The following APC variants were observed in gnomAD, a reference collection of about 807,000 sequenced individuals.
The protein encoded by APC is adenomatous polyposis coli protein.
Under a neutral mutation model 247.0 loss-of-function variants are expected in APC, and 72 were observed. The ratio of observed to expected loss-of-function variants is 0.29; its 90% CI spans 0.24 to 0.35. The LOEUF is 0.35. Ranked by LOEUF, APC falls within the 10% of genes least tolerant of loss-of-function variation. The pLI is 1.00. For synonymous variants in APC, 1,254 were observed against 1,162.5 expected (o/e 1.08, Z -1.60); for missense variants, 3,400 against 3,360.7 (o/e 1.01, Z -0.29).
chr5:112,842,638 A>G lies in APC; in HGVS notation c.7044A>G (p.Thr2348=), dbSNP rs1057520428. 1 of 1,613,974 alleles carries G rather than the reference A, an allele frequency of 6.2e-7. No homozygotes were observed. Among genetic ancestry groups the G allele is most frequent in the East Asian group, 2.2e-5 (1 of 44,888 alleles). ...ACAAATTATCTCAACTTCCAAGGACATCATCCCCTAGTACTGCTTCAACTA... is the reference window on the plus strand; with the variant it reads ...ACAAATTATCTCAACTTCCAAGGACGTCATCCCCTAGTACTGCTTCAACTA... ...PPNKLSQLPR[T]SSPSTASTKS... Residue 2348 remains threonine, a synonymous_variant, in exon 16 of 16, where the codon ACA becomes ACG. Transcript: ENST00000257430.
chr5:112,795,392 A>G (rs1760107916), intron 7 of APC, among the ~76,000 whole-genome samples: 1 of 152,152 alleles, frequency 6.6e-6, no homozygotes, highest in African/African-American at 2.4e-5. Flanking sequence ...CATAATTTTT[A>G]TTGAAATTTT....
chr5:112,717,451 C>G (rs1228982382), intron 1 of APC, among the ~76,000 whole-genome samples: 1 of 151,984 alleles, frequency 6.6e-6, no homozygotes, highest in Non-Finnish European at 1.5e-5. Flanking sequence ...CTTAAGATTG[C>G]TTTCTTTGAT....
At chr5:112,773,114 C>T (rs569196063) in intron 4 of APC, among the ~76,000 whole-genome samples, 3 of 152,136 alleles carry the variant, frequency 2.0e-5, no homozygotes, top group Non-Finnish European at 4.4e-5. Flanking sequence ...CAGGGGCTTC[C>T]TTTCTTCCCA....
At chr5:112,753,389 T>TA (rs1754593185) in intron 1 of APC, among the ~76,000 whole-genome samples, 1 of 152,198 alleles carries the variant, frequency 6.6e-6, no homozygotes. Context: ...TAATATAACT[T>TA]ACATTTACAT....
rs772806807 is a variant in APC, at chr5:112,801,306, G to A, written c.757G>A (p.Gly253Ser). The A allele has an allele frequency of 1.0e-4, 169 of 1,612,762 alleles. No homozygotes were observed. The East Asian group carries it at 3.6e-3, about 34-fold the overall frequency. Residue 253 changes from glycine (G) to serine (S), a missense_variant, in exon 8 of 16, where the codon GGC becomes AGC. Coordinates refer to ENST00000257430, the MANE Select transcript of APC (RefSeq NM_000038.6). ...GTCATCTCAGAACAAGCATGAAACC[G>A]GCTCACATGATGCTGAGCGGCAGAA... ...ERSSQNKHETGSHDAERQNEG... is the reference protein window; with the variant it reads ...ERSSQNKHETSSHDAERQNEG...
chr5:112,764,539 C>A (rs1432562441), intron 2 of APC, among the ~76,000 whole-genome samples: 4 of 152,084 alleles, frequency 2.6e-5, no homozygotes, highest in African/African-American at 9.7e-5. Flanking sequence ...AAAGAATAGG[C>A]TTTATTGGTA....
chr5:112,728,082 A>AT lies in APC; in HGVS notation c.165+20212dup, dbSNP rs112112370. 6.2e-3 allele frequency among the ~76,000 whole-genome samples: 909 copies of AT among 146,352 alleles called. 10 individuals carry two copies. Among genetic ancestry groups the AT allele is most frequent in the African/African-American group, 0.02 (788 of 40,164 alleles). ...TAAAACATTATGAGATTTTTTTGCA[A>AT]TTTTTTTTTTTTAAGCTCATCAGCT... On this transcript the variant is annotated intron_variant, in intron 1 of 13. Transcript: ENST00000507379.
intron 4 of APC, among the ~76,000 whole-genome samples, chr5:112,767,945 C>G (rs1231406223): frequency 6.6e-6 from 1 of 152,054 alleles, no homozygotes; most frequent in Admixed American, 6.6e-5. Context: ...GATACTTTGG[C>G]CCACACCTGT....
Position 112,819,721 on chromosome 5 carries a change from A to C in APC, c.1312+377A>C, listed in dbSNP as rs116826917. Among the ~76,000 whole-genome samples the C allele has an allele frequency of 3.4e-3, 513 of 152,282 alleles. 6 individuals carry two copies. The highest frequency in any genetic ancestry group is 0.012 in the African/African-American group (498 of 41,556). On this transcript the variant is annotated intron_variant, in intron 10 of 15. Transcript: ENST00000257430. ...CTATAGCCATTAGTGTCCAAACCAT[A>C]ATCTTTTACATTTGCATATCATTAT...
At chr5:112,761,493 T>C (rs1032109197) in intron 2 of APC, among the ~76,000 whole-genome samples, 16 of 152,060 alleles carry the variant, frequency 1.1e-4, no homozygotes, top group Non-Finnish European at 1.9e-4. Context: ...GAAATTAACA[T>C]TGGATGGGCT....
chr5:112,760,773 G>C (rs895660467), intron 2 of APC, among the ~76,000 whole-genome samples: 3 of 151,608 alleles, frequency 2.0e-5, no homozygotes, highest in Non-Finnish European at 4.4e-5. Flanking sequence ...AACCAAACCA[G>C]TTAGTTGTGA....
At position 112,838,917 on chromosome 5, in the gene APC, A is replaced by T. The variant is rs151286353; in HGVS notation, c.3323A>T (p.Asn1108Ile). Reference protein sequence around the residue: ...CVSPYRSRGANGSETNRVGSN... With the variant: ...CVSPYRSRGAIGSETNRVGSN... ...TCTCCATACAGGTCACGGGGAGCCA[A>T]TGGTTCAGAAACAAATCGAGTGGGT... Residue 1108 changes from asparagine to isoleucine, a missense_variant, in exon 16 of 16, where the codon AAT becomes ATT. Around this residue, in one of 9 missense-constraint regions of APC, gnomAD observed 715 missense variants for 656.6 expected, o/e 1.09. Coordinates refer to ENST00000257430, the MANE Select transcript of APC (RefSeq NM_000038.6). 6.2e-7 allele frequency: 1 copy of T among 1,614,144 alleles called. No homozygotes were observed. The highest frequency in any genetic ancestry group is 8.5e-7 in the Non-Finnish European group (1 of 1,180,032).
chr5:112,715,576 G>T (rs1015379617), intron 1 of APC, among the ~76,000 whole-genome samples: 1 of 152,148 alleles, frequency 6.6e-6, no homozygotes. Flanking sequence ...TAGTTGGAAT[G>T]AATTCTTCCT....
intron 1 of APC, among the ~76,000 whole-genome samples, chr5:112,750,672 C>T (rs895687542): frequency 6.6e-6 from 1 of 152,160 alleles, no homozygotes; most frequent in East Asian, 1.9e-4. Context: ...TACTCCTAGT[C>T]TAGTAACGGA....
chr5:112,754,805 T>G (rs988793623), intron 1 of APC, 68 bp from the exon 2 acceptor site: 1 of 1,499,188 alleles, frequency 6.7e-7, no homozygotes, highest in South Asian at 1.2e-5. Context: ...CCTTTACCCC[T>G]TTCTTTAAAA....
rs1554088662 is a variant in APC at position 112,843,388 on chromosome 5, C to G, written c.7794C>G (p.Thr2598=). ...AACATGTGAACTCTATTTCAGGAACCAAACAAAGTAAAGAAAACCAAGTAT... is the reference window on the plus strand; with the variant it reads ...AACATGTGAACTCTATTTCAGGAACGAAACAAAGTAAAGAAAACCAAGTAT... The part of the protein sequence containing the change: ...DEKHVNSISG[T]KQSKENQVSA... Residue 2598 remains threonine, a synonymous_variant, in exon 16 of 16, where the codon ACC becomes ACG. Coordinates refer to ENST00000257430, the MANE Select transcript of APC (RefSeq NM_000038.6). This position sits in a 1 kb window ranked among gnomAD's most constrained non-coding sequence, Gnocchi z 4.8. The G allele has an allele frequency of 6.2e-7, 1 of 1,613,238 alleles. No individual in the cohort carries two copies.
intron 14 of APC, among the ~76,000 whole-genome samples, chr5:112,832,009 T>C (rs978852979): frequency 2.0e-5 from 3 of 152,240 alleles, no homozygotes; most frequent in African/African-American, 7.2e-5. Flanking sequence ...ACAACCCTTC[T>C]CCTTGATCAT....
chr5:112,827,801 T>A, intron 12 of APC, 128 bp from the exon 13 acceptor site: 1 of 728,292 alleles, frequency 1.4e-6, no homozygotes, highest in Non-Finnish European at 2.4e-6. Flanking sequence ...CTAGATTTTT[T>A]ATGAGTGAAG....
intron 8 of APC, among the ~76,000 whole-genome samples, chr5:112,814,710 G>A (rs998533353): frequency 2.6e-5 from 4 of 152,156 alleles, no homozygotes; most frequent in African/African-American, 9.7e-5. Flanking sequence ...CCTGCCTGAA[G>A]TCCAGTGACT....
Sources: allele counts gnomAD v4.1 joint callset (sites outside exome capture counted in the v4.1 genomes callset), GRCh38; gene constraint gnomAD v4.1.1; regional missense constraint gnomAD v4.1.1; non-coding constraint Gnocchi (gnomAD v3.1); transcripts MANE v1.5; gene names NCBI Gene and HGNC (gene_info 2026-07-23, HGNC 2026-07-21).